The following PUM1 variants were observed in gnomAD, a reference collection of about 807,000 sequenced individuals.
PUM1 encodes pumilio homolog 1.
In PUM1, 13 loss-of-function variants were observed where a neutral mutation model predicts 131.8. That is an observed-to-expected ratio of 0.10 (90% confidence interval 0.06 to 0.16). PUM1 has a LOEUF of 0.16. Among genes scored for constraint, PUM1 ranks in the 10% least tolerant of loss-of-function variants. The pLI is 1.00. For synonymous variants in PUM1, 509 were observed against 556.5 expected, an observed-to-expected ratio of 0.91 and a Z score of 1.20; for missense variants, 961 against 1,512.4, an observed-to-expected ratio of 0.64 and a Z score of 6.05.
At chr1:30,934,114 G>A (rs1639096675) in intron 21 of PUM1, among the ~76,000 whole-genome samples, 1 of 152,158 alleles carries the variant, frequency 6.6e-6, no homozygotes, top group East Asian at 1.9e-4. Context: ...ACTTCTCCAA[G>A]CATTCCTTTC....
chr1:31,023,924 CAAAAA>C (rs11373685), intron 3 of PUM1, among the ~76,000 whole-genome samples: 1 of 82,146 alleles, frequency 1.2e-5, no homozygotes, highest in Non-Finnish European at 2.6e-5. Context: ...GACTCTGTCT[CAAAAA>C]AAAAAAAAAA....
intron 17 of PUM1, among the ~76,000 whole-genome samples, chr1:30,948,108 A>G (rs1639758597): frequency 6.6e-6 from 1 of 152,078 alleles, no homozygotes; most frequent in African/African-American, 2.4e-5. Flanking sequence ...TTGGCCTCCC[A>G]AAGTGCTGGG....
At chr1:30,974,600 C>G (rs1641063293) in intron 10 of PUM1, 51 bp downstream of exon 10, 1 of 1,509,360 alleles carries the variant, frequency 6.6e-7, no homozygotes, top group South Asian at 1.3e-5. Context: ...TATTAATTAT[C>G]CACAATACTA....
intron 18 of PUM1, among the ~76,000 whole-genome samples, chr1:30,943,428 T>C (rs1639542640): frequency 6.6e-6 from 1 of 152,054 alleles, no homozygotes; most frequent in Admixed American, 6.6e-5. Context: ...TTTTTTGTAT[T>C]TCTAGTAGAG....
In PUM1 at chr1:30,980,075, T is replaced by C; in HGVS notation, c.1341A>G (p.Ala447=). ...GTDPYTAGLA[A]AATLGPAVVP... ...AGAATGTCTCACCTAGTGTCGCTGC[T>C]GCAGCCAATCCAGCTGTGTAGGGGT... Residue 447 remains alanine (A), a synonymous_variant, in exon 9 of 22, where the codon GCA becomes GCG. Transcript: ENST00000426105. 5 of 1,606,702 alleles carry C rather than the reference T, an allele frequency of 3.1e-6. No homozygotes were observed. The highest frequency in any genetic ancestry group is 4.2e-6 in the Non-Finnish European group (5 of 1,176,552).
intron 3 of PUM1, among the ~76,000 whole-genome samples, chr1:31,021,535 A>C (rs746272830): frequency 2.6e-5 from 4 of 152,196 alleles, no homozygotes; most frequent in African/African-American, 4.8e-5. Flanking sequence ...CACCCTCAAC[A>C]AACTTTTGTA....
chr1:31,048,476 T>C (rs534785669), intron 2 of PUM1, among the ~76,000 whole-genome samples: 1 of 151,114 alleles, frequency 6.6e-6, no homozygotes, highest in South Asian at 2.1e-4. Flanking sequence ...TATTTTTATT[T>C]TTTTTATTTT....
chr1:30,935,352 CG>C (rs144606005), intron 21 of PUM1, among the ~76,000 whole-genome samples: 2,740 of 152,310 alleles, frequency 0.018, 35 homozygotes, highest in Non-Finnish European at 0.025. Flanking sequence ...TGTACCCACA[CG>C]TTATAGAAGA....
In PUM1 at chr1:31,039,984, T is replaced by C. The variant is rs555456450; in HGVS notation, c.364-11120A>G. Among the ~76,000 whole-genome samples, 549 of 152,240 alleles carry C rather than the reference T, an allele frequency of 3.6e-3. 5 individuals are homozygous for C. Among genetic ancestry groups the C allele is most frequent in the African/African-American group, 0.013 (524 of 41,522 alleles). On this transcript the variant is annotated intron_variant, in intron 2 of 21. Transcript: ENST00000426105. Reference sequence around the variant, plus strand: ...CCTGGGCGACAAGAGCGAAACTCCATCTCAAAAATAATAATAATAAATATT... The same window carrying C: ...CCTGGGCGACAAGAGCGAAACTCCACCTCAAAAATAATAATAATAAATATT...
intron 14 of PUM1, among the ~76,000 whole-genome samples, chr1:30,960,081 C>A (rs936536217): frequency 1.3e-5 from 2 of 152,116 alleles, no homozygotes; most frequent in Non-Finnish European, 2.9e-5. Flanking sequence ...ACCTCCACCC[C>A]CTGCCAAGAT....
chr1:30,939,413 TCTCC>T (rs1639355155), intron 20 of PUM1, among the ~76,000 whole-genome samples: 1 of 152,236 alleles, frequency 6.6e-6, no homozygotes, highest in South Asian at 2.1e-4. Flanking sequence ...CTTCCGGCTC[TCTCC>T]CTTTCTAGGA....
At chr1:31,058,928 C>T (rs1034926206) in intron 2 of PUM1, among the ~76,000 whole-genome samples, 1 of 152,078 alleles carries the variant, frequency 6.6e-6, no homozygotes, top group African/African-American at 2.4e-5. Context: ...CGAGATCAAG[C>T]CGAGATCAGG....
chr1:31,024,905 T>C (rs928025184), intron 3 of PUM1, among the ~76,000 whole-genome samples: 1 of 152,236 alleles, frequency 6.6e-6, no homozygotes, highest in Non-Finnish European at 1.5e-5. Flanking sequence ...AGCCTTCCTC[T>C]CTACTACAAA....
At chr1:30,966,993 A>C (rs1640648681) in intron 12 of PUM1, 174 bp downstream of exon 12, 7 of 684,394 alleles carry the variant, frequency 1.0e-5, no homozygotes, top group Non-Finnish European at 6.5e-6. Context: ...ACCCCCCAAC[A>C]AAAAGGAGAA....
intron 7 of PUM1, among the ~76,000 whole-genome samples, chr1:30,983,742 T>A (rs1641441368): frequency 6.7e-6 from 1 of 150,008 alleles, no homozygotes; most frequent in Non-Finnish European, 1.5e-5. Context: ...TAGCTGCGCA[T>A]GTCACCACGC....
At chr1:30,938,393 T>C (rs1262999158) in intron 20 of PUM1, among the ~76,000 whole-genome samples, 1 of 152,138 alleles carries the variant, frequency 6.6e-6, no homozygotes. Context: ...GCTGGGACTA[T>C]AGGCGTGTGC....
Position 30,967,112 on chromosome 1 carries a change from C to A in PUM1, c.1789+55G>T, listed in dbSNP as rs972390425. ...ATTTCAACATACTTTAAGAATCTCA[C>A]TATCAGTCGCCACTTTTAGATCTCT... On this transcript the variant is annotated intron_variant, in intron 12 of 21. Transcript: ENST00000426105. 4 of 1,599,726 alleles carry A rather than the reference C, an allele frequency of 2.5e-6. No individual in the cohort carries two copies. In the South Asian group the frequency reaches 3.3e-5, roughly 13 times the overall value.
intron 3 of PUM1, among the ~76,000 whole-genome samples, chr1:31,027,106 A>G (rs1239923795): frequency 6.6e-6 from 1 of 152,166 alleles, no homozygotes; most frequent in East Asian, 1.9e-4. Flanking sequence ...TGCTCACAAA[A>G]CAATAATAGG....
At chr1:30,958,315 T>A (rs900777600) in intron 14 of PUM1, among the ~76,000 whole-genome samples, 2 of 152,244 alleles carry the variant, frequency 1.3e-5, no homozygotes, top group Non-Finnish European at 2.9e-5. Flanking sequence ...AATTTAGTTA[T>A]AAATGCTTTC....
Sources: gnomAD v4.1 joint callset for allele counts (sites outside exome capture counted in the v4.1 genomes callset) on GRCh38, gnomAD v4.1.1 for gene constraint, MANE v1.5 for transcripts, NCBI Gene and HGNC (gene_info 2026-07-23, HGNC 2026-07-21) for gene names.